CHRNA7: variants seen among roughly 807,000 people sequenced by gnomAD.
The protein encoded by CHRNA7 is neuronal acetylcholine receptor subunit alpha-7.
CHRNA7 carries 17 observed loss-of-function variants against 48.0 expected under a neutral mutation model. The ratio of observed to expected loss-of-function variants is 0.35; its 90% CI spans 0.24 to 0.53. CHRNA7 has a LOEUF of 0.53. Ranked by LOEUF, CHRNA7 falls within the 20% of genes least tolerant of loss-of-function variation. CHRNA7 has a pLI of 0.92. For missense variants in CHRNA7, 155 were observed against 577.7 expected (o/e 0.27, Z 7.50); for synonymous variants, 75 against 242.3 (o/e 0.31, Z 6.41).
At chr15:32,143,660 A>G (rs1472199988) in intron 4 of CHRNA7, among the ~76,000 whole-genome samples, 1 of 152,010 alleles carries the variant, frequency 6.6e-6, no homozygotes, top group Non-Finnish European at 1.5e-5. Flanking sequence ...TAATCCCTTT[A>G]CCATTATATA....
intron 2 of CHRNA7, 49 bp downstream of exon 2, chr15:32,031,086 G>T (rs770216397): frequency 2.5e-6 from 4 of 1,608,444 alleles, no homozygotes. Context: ...CCTGGGCTCC[G>T]AGGGGCTTTT....
intron 2 of CHRNA7, chr15:32,098,832 A>C (rs945926245): frequency 2.7e-5 from 4 of 145,646 alleles, no homozygotes; most frequent in African/African-American, 1.0e-4. Context: ...TAAGTGTATC[A>C]TTATTGTGTT....
rs544887619 is a variant in CHRNA7 at position 32,030,827 on chromosome 15, C to G, written c.56-71C>G. The G allele has an allele frequency of 6.9e-4, 1,075 of 1,552,916 alleles. 13 individuals are homozygous for G. The South Asian group carries it at 0.012, about 17-fold the overall frequency. ...GCACCGGGTGGGCGGCGGGGGACGC[C>G]GGCAGGAGGGAGTCGGGGGTACCCC... is the stretch of plus-strand genomic sequence containing the variant. On this transcript the variant is annotated intron_variant, in intron 1 of 9. Transcript: ENST00000306901.
chr15:32,153,289 G>A (rs2051671002), intron 4 of CHRNA7: 2 of 151,420 alleles, frequency 1.3e-5, no homozygotes, highest in South Asian at 4.2e-4. Context: ...AGGTGTGGTG[G>A]TGTGCACCTG....
At chr15:32,064,315 T>C (rs977477302) in intron 2 of CHRNA7, among the ~76,000 whole-genome samples, 1 of 152,152 alleles carries the variant, frequency 6.6e-6, no homozygotes, top group African/African-American at 2.4e-5. Context: ...TTCCTGCTCC[T>C]TGATCCTTCT....
chr15:32,149,555 C>G lies in CHRNA7; in HGVS notation c.351-4352C>G, dbSNP rs747866265. Among the ~76,000 whole-genome samples, 12 of 152,316 alleles carry G rather than the reference C, an allele frequency of 7.9e-5. No homozygotes were observed. In the South Asian group the frequency reaches 1.5e-3, roughly 18 times the overall value. On this transcript the variant is annotated intron_variant, in intron 4 of 9. Coordinates refer to ENST00000306901, the MANE Select transcript of CHRNA7 (RefSeq NM_000746.6). This position sits in a 1 kb window ranked among gnomAD's most constrained non-coding sequence, Gnocchi z 4.6. ...CAAAACAGATAAAGTAGTATTAGCA[C>G]AAATCCATTACAAGAGTTTACTTTT...
intron 3 of CHRNA7, among the ~76,000 whole-genome samples, chr15:32,108,851 G>C (rs921675213): frequency 4.6e-5 from 7 of 152,098 alleles, no homozygotes; most frequent in African/African-American, 7.2e-5. Flanking sequence ...TGTGAGGCAG[G>C]GTACATGTAA....
intron 2 of CHRNA7, among the ~76,000 whole-genome samples, chr15:32,088,416 A>G (rs940940962): frequency 2.0e-5 from 3 of 152,120 alleles, no homozygotes; most frequent in Non-Finnish European, 4.4e-5. Context: ...TTTTCTGTAG[A>G]TATGTGTTTT....
At position 32,030,643 on chromosome 15, in the gene CHRNA7, C is replaced by G; in HGVS notation, c.49C>G (p.Leu17Val). 6.3e-7 allele frequency: 1 copy of G among 1,578,758 alleles called. No individual in the cohort carries two copies. Among genetic ancestry groups the G allele is most frequent in the South Asian group, 1.2e-5 (1 of 86,598 alleles). ...CTGGCTGGCGCTGGCCGCGTCGCTC[C>G]TGCACGGTAAAGCCACTGCCTCCCC... ...GVWLALAASLLHVSLQGEFQR... is the reference protein window; with the variant it reads ...GVWLALAASLVHVSLQGEFQR... Residue 17 changes from leucine to valine, a missense_variant, in exon 1 of 10, where the codon CTG becomes GTG. Transcript: ENST00000306901.
intron 2 of CHRNA7, among the ~76,000 whole-genome samples, chr15:32,074,948 C>A (rs192920304): frequency 6.6e-6 from 1 of 152,102 alleles, no homozygotes; most frequent in African/African-American, 2.4e-5. Context: ...CGCGGCTGGC[C>A]AGAATCACAT....
chr15:32,057,684 A>G (rs2049809565), intron 2 of CHRNA7, among the ~76,000 whole-genome samples: 1 of 152,182 alleles, frequency 6.6e-6, no homozygotes. Flanking sequence ...ACACTCCTCA[A>G]CTTTGTGACT....
At chr15:32,127,847 T>C (rs1412877446) in intron 4 of CHRNA7, among the ~76,000 whole-genome samples, 2 of 152,112 alleles carry the variant, frequency 1.3e-5, no homozygotes, top group Non-Finnish European at 2.9e-5. Context: ...AAATTTTACT[T>C]TGATGGATTG....
intron 4 of CHRNA7, among the ~76,000 whole-genome samples, chr15:32,122,036 G>C (rs1477744365): frequency 6.6e-6 from 1 of 152,222 alleles, no homozygotes; most frequent in Non-Finnish European, 1.5e-5. Context: ...AACATCACAC[G>C]ATGCTGCGGA....
intron 2 of CHRNA7, among the ~76,000 whole-genome samples, chr15:32,071,541 T>TC (rs2050058205): frequency 6.6e-6 from 1 of 152,178 alleles, no homozygotes; most frequent in Non-Finnish European, 1.5e-5. Context: ...TGAAATGTGA[T>TC]CCCCAGTATT....
intron 2 of CHRNA7, among the ~76,000 whole-genome samples, chr15:32,076,353 A>G (rs2050135958): frequency 6.6e-6 from 1 of 152,148 alleles, no homozygotes. Flanking sequence ...TTGATGACAC[A>G]CAATTAAGAT....
intron 2 of CHRNA7, among the ~76,000 whole-genome samples, chr15:32,087,470 G>A (rs1240407418): frequency 6.6e-6 from 1 of 152,142 alleles, no homozygotes; most frequent in African/African-American, 2.4e-5. Flanking sequence ...CAAGGTTTGG[G>A]TGCTAGGTGG....
chr15:32,144,955 CA>C (rs1052657099), intron 4 of CHRNA7, among the ~76,000 whole-genome samples: 1 of 152,176 alleles, frequency 6.6e-6, no homozygotes, highest in Non-Finnish European at 1.5e-5. Flanking sequence ...AGTTTTGTTC[CA>C]TTGCTGGCAA....
intron 2 of CHRNA7, among the ~76,000 whole-genome samples, chr15:32,072,975 A>G (rs1190435235): frequency 6.6e-6 from 1 of 152,140 alleles, no homozygotes; most frequent in African/African-American, 2.4e-5. Flanking sequence ...CCTCACATGG[A>G]GTCCCCACCA....
rs1038299493 is a variant in CHRNA7, at chr15:32,079,801, A to G, written c.196-21502A>G. 1.5e-4 allele frequency among the ~76,000 whole-genome samples: 23 copies of G among 152,284 alleles called. No homozygotes were observed. In the East Asian group the frequency reaches 4.2e-3, roughly 28 times the overall value. ...AAATTAGAAAAAAAAAAACTACTTT[A>G]AAATTCATATTGAACCAAAAAAGGG... On this transcript the variant is annotated intron_variant, in intron 2 of 9. Transcript: ENST00000306901.
Sources: gnomAD v4.1 joint callset for allele counts (sites outside exome capture counted in the v4.1 genomes callset) on GRCh38, gnomAD v4.1.1 for gene constraint, Gnocchi (gnomAD v3.1) non-coding constraint, MANE v1.5 for transcripts, NCBI Gene and HGNC (gene_info 2026-07-23, HGNC 2026-07-21) for gene names.